GSE1: variants seen among roughly 807,000 people sequenced by gnomAD.
GSE1 encodes Gse1 coiled-coil protein.
GSE1 carries 32 observed loss-of-function variants against 112.6 expected under a neutral mutation model. That is an observed-to-expected ratio of 0.28 (90% confidence interval 0.21 to 0.38). GSE1 has a LOEUF of 0.38. GSE1 is among the 10% of genes least tolerant of loss of function. The pLI is 1.00. For synonymous variants in GSE1, 1,115 were observed against 735.6 expected (o/e 1.52, Z -8.35); for missense variants, 2,348 against 1,699.2 (o/e 1.38, Z -6.71).
chr16:85,288,908 G>A (rs2045121895), intron 1 of GSE1, among the ~76,000 whole-genome samples: 2 of 152,196 alleles, frequency 1.3e-5, no homozygotes, highest in African/African-American at 4.8e-5. Flanking sequence ...CCCAGCCTGG[G>A]CTCTATGGGC....
At position 85,657,294 on chromosome 16, in the gene GSE1, G is replaced by A. The variant is rs35446008; in HGVS notation, c.1330G>A (p.Gly444Ser). ...PTRAEKLKDA[G>S]LQAPKPVQHP... The stretch of plus-strand genomic sequence containing the variant: ...CCCCACAGAGAAGCTGAAGGATGCC[G>A]GCCTGCAGGCGCCCAAGCCCGTCCA... Residue 444 changes from glycine to serine, a missense_variant, in exon 8 of 16, where the codon GGC (glycine) becomes AGC (serine). Transcript: ENST00000253458. The A allele has an allele frequency of 2.3e-3, 3,593 of 1,563,280 alleles. 84 individuals are homozygous for A. The African/African-American group carries it at 0.044, about 19-fold the overall frequency.
At chr16:85,170,076 G>A (rs887232087) in exon 1 of GSE1, 6 of 984,862 alleles carry the variant, frequency 6.1e-6, no homozygotes, top group Non-Finnish European at 3.6e-6. Context: ...CCCTTTCCGA[G>A]CCCGACCCGC....
intron 1 of GSE1, among the ~76,000 whole-genome samples, chr16:85,566,675 C>T (rs1290251921): frequency 1.3e-5 from 2 of 152,218 alleles, no homozygotes. Flanking sequence ...CCGGCCCCAA[C>T]CCTCCCCACC....
Position 85,312,264 on chromosome 16 carries a change from G to A in GSE1, c.2284-45199G>A, listed in dbSNP as rs117732752. The stretch of plus-strand genomic sequence containing the variant: ...AAACACAACTGAGTGCCCTTAGGCT[G>A]ATGTGACAGTGTGCCACAAATTGGC... On this transcript the variant is annotated intron_variant, in intron 1 of 2. Coordinates refer to the GSE1 transcript ENST00000637419. Among the ~76,000 whole-genome samples, 1,110 of 150,432 alleles carry A rather than the reference G, an allele frequency of 7.4e-3. 27 individuals are homozygous for A. The highest frequency in any genetic ancestry group is 0.031 in the Admixed American group (463 of 15,104).
At chr16:85,187,798 C>T (rs1361780627) in intron 1 of GSE1, among the ~76,000 whole-genome samples, 1 of 152,212 alleles carries the variant, frequency 6.6e-6, no homozygotes, top group Non-Finnish European at 1.5e-5. Context: ...GAAGCCATAG[C>T]CGAGGGCCCT....
At chr16:85,607,497 G>A (rs770862832), upstream of GSE1, among the ~76,000 whole-genome samples, 5 of 152,216 alleles carry the variant, frequency 3.3e-5, no homozygotes, top group African/African-American at 4.8e-5. Context: ...AGCTGTGTGC[G>A]GGGTGCGGAT....
intron 1 of GSE1, among the ~76,000 whole-genome samples, chr16:85,312,211 G>GA (rs915359902): frequency 3.3e-5 from 5 of 151,518 alleles, no homozygotes; most frequent in African/African-American, 1.2e-4. Flanking sequence ...TTGCGGGGGG[G>GA]GGGGGGACAC....
chr16:85,650,502 C>T (rs1044844413), intron 3 of GSE1, among the ~76,000 whole-genome samples: 4 of 152,246 alleles, frequency 2.6e-5, no homozygotes, highest in East Asian at 1.9e-4. Flanking sequence ...AGACCCAGGA[C>T]GCCTCGAGGG....
upstream of GSE1, chr16:85,555,309 G>A: frequency 1.0e-6 from 1 of 984,756 alleles, no homozygotes; most frequent in Non-Finnish European, 1.2e-6. Context: ...AGGCGCCAGA[G>A]CCCCCGCGAG....
intron 2 of GSE1, among the ~76,000 whole-genome samples, chr16:85,472,754 G>T (rs2050334749): frequency 6.6e-6 from 1 of 152,362 alleles, no homozygotes; most frequent in Non-Finnish European, 1.5e-5. Context: ...ACGGCCTAAA[G>T]GCTAAGGACA....
At chr16:85,642,339 T>A (rs1394774249) in intron 2 of GSE1, among the ~76,000 whole-genome samples, 1 of 152,082 alleles carries the variant, frequency 6.6e-6, no homozygotes, top group African/African-American at 2.4e-5. Context: ...AAAAAGAAAA[T>A]TTTAAACACT....
chr16:85,544,910 C>G (rs567116990), intron 2 of GSE1, among the ~76,000 whole-genome samples: 1 of 152,224 alleles, frequency 6.6e-6, no homozygotes, highest in Non-Finnish European at 1.5e-5. Context: ...GGAGGCCAGC[C>G]GTGCCCGCGC....
At chr16:85,249,896 G>A (rs980604480) in intron 1 of GSE1, among the ~76,000 whole-genome samples, 7 of 152,268 alleles carry the variant, frequency 4.6e-5, no homozygotes, top group Non-Finnish European at 4.4e-5. Context: ...CACAGCTGCA[G>A]AAGCTGGTGA....
At chr16:85,371,987 C>T (rs933718807) in intron 2 of GSE1, among the ~76,000 whole-genome samples, 11 of 152,326 alleles carry the variant, frequency 7.2e-5, no homozygotes, top group Admixed American at 2.0e-4. Context: ...CAGAGGGGCT[C>T]CGCCTCTGCA....
intron 1 of GSE1, among the ~76,000 whole-genome samples, chr16:85,266,735 G>A (rs547645083): frequency 1.2e-4 from 18 of 152,064 alleles, no homozygotes; most frequent in African/African-American, 4.3e-4. Context: ...GTTTGCTGGG[G>A]GTATGCTGGG....
At chr16:85,561,282 G>A (rs1194384717) in intron 1 of GSE1, among the ~76,000 whole-genome samples, 1 of 152,228 alleles carries the variant, frequency 6.6e-6, no homozygotes, top group African/African-American at 2.4e-5. Context: ...GGTACAGAGA[G>A]ATTGAGGTCA....
chr16:85,208,865 T>C (rs1278187055), intron 1 of GSE1, among the ~76,000 whole-genome samples: 22 of 105,744 alleles, frequency 2.1e-4, no homozygotes, highest in African/African-American at 6.7e-4. Context: ...GGGTTCACCA[T>C]ATGTTGGGGT....
chr16:85,170,436 G>A (rs1465289359), exon 1 of GSE1: 1 of 985,634 alleles, frequency 1.0e-6, no homozygotes, highest in South Asian at 4.7e-5. Context: ...CTAAGACCCT[G>A]GAGAGCAGGC....
At chr16:85,517,019 G>C (rs556347228) in intron 2 of GSE1, among the ~76,000 whole-genome samples, 2 of 152,240 alleles carry the variant, frequency 1.3e-5, no homozygotes, top group South Asian at 2.1e-4. Context: ...GGACGGTCTC[G>C]ATCTCCTGAT....
Sources: gnomAD v4.1 joint callset for allele counts (sites outside exome capture counted in the v4.1 genomes callset) on GRCh38, gnomAD v4.1.1 for gene constraint, MANE v1.5 for transcripts, NCBI Gene and HGNC (gene_info 2026-07-23, HGNC 2026-07-21) for gene names.